Variants in UBTD1 observed in about 807,000 individuals in gnomAD.
UBTD1 encodes ubiquitin domain-containing protein 1.
A neutral mutation model predicts 21.7 loss-of-function variants in UBTD1; 19 were observed. The observed-to-expected ratio is 0.87, with a 90% confidence interval of 0.61 to 1.28. The LOEUF (loss-of-function observed/expected upper bound fraction) is 1.28. Among genes scored for constraint, UBTD1 ranks in the 50% most tolerant of loss-of-function variants. UBTD1 has a pLI of 0.00. For synonymous variants in UBTD1, 116 were observed against 135.1 expected, an observed-to-expected ratio of 0.86 and a Z score of 0.98; for missense variants, 282 against 315.1, an observed-to-expected ratio of 0.89 and a Z score of 0.80.
intron 1 of UBTD1, among the ~76,000 whole-genome samples, chr10:97,556,595 A>T (rs368505820): frequency 2.0e-5 from 3 of 152,214 alleles, no homozygotes; most frequent in African/African-American, 7.2e-5. Flanking sequence ...TCAGGGGGCC[A>T]TTTATCATCT....
At chr10:97,557,360 A>G (rs932336113) in intron 1 of UBTD1, among the ~76,000 whole-genome samples, 3 of 151,566 alleles carry the variant, frequency 2.0e-5, no homozygotes, top group African/African-American at 7.3e-5. Flanking sequence ...TTTTTTTTTA[A>G]TTCCACTTTG....
intron 1 of UBTD1, among the ~76,000 whole-genome samples, chr10:97,557,320 C>A (rs2040669013): frequency 6.6e-6 from 1 of 151,978 alleles, no homozygotes; most frequent in Admixed American, 6.6e-5. Context: ...AGGATCTAGT[C>A]CTTTTCCATC....
Position 97,518,908 on chromosome 10 carries a change from T to C in UBTD1, c.70+19635T>C, listed in dbSNP as rs566871989. Among the ~76,000 whole-genome samples, 17 of 152,356 alleles carry C rather than the reference T, an allele frequency of 1.1e-4. No individual in the cohort carries two copies. In the South Asian group the frequency reaches 3.3e-3, roughly 30 times the overall value. On this transcript the variant is annotated intron_variant, in intron 1 of 2. Transcript: ENST00000370664. ...CATGTATTATCTCATTTAATCTTTG[T>C]AGTAACTCAATGAAGTAAGTTGTAT...
At chr10:97,536,766 C>T (rs1195869083) in intron 1 of UBTD1, among the ~76,000 whole-genome samples, 1 of 152,120 alleles carries the variant, frequency 6.6e-6, no homozygotes, top group African/African-American at 2.4e-5. Flanking sequence ...ATCACAATGT[C>T]ATTCCTCCTC....
chr10:97,501,671 T>C (rs2040377113), intron 1 of UBTD1, among the ~76,000 whole-genome samples: 1 of 152,230 alleles, frequency 6.6e-6, no homozygotes, highest in Admixed American at 6.5e-5. Context: ...ACTTTAACTT[T>C]CAAGGCTGTT....
rs549508683 is a variant in UBTD1 at position 97,562,630 on chromosome 10, A to G, written c.71-5284A>G. 4.6e-5 allele frequency among the ~76,000 whole-genome samples: 7 copies of G among 152,118 alleles called. No homozygotes were observed. In the East Asian group the frequency reaches 1.4e-3, roughly 29 times the overall value. ...ATTCACAAGGGCGGGGGAATATCAC[A>G]AAGTACATTATTGCAAGGGCGGGGA... On this transcript the variant is annotated intron_variant, in intron 1 of 2. Transcript: ENST00000370664.
intron 1 of UBTD1, among the ~76,000 whole-genome samples, chr10:97,510,590 A>AT (rs2040419507): frequency 1.3e-5 from 2 of 152,052 alleles, no homozygotes; most frequent in Non-Finnish European, 1.5e-5. Context: ...ATTAGTTATT[A>AT]TTTTTACTAT....
rs1032333660 is a variant in UBTD1 at position 97,518,539 on chromosome 10, C to T, written c.70+19266C>T. Among the ~76,000 whole-genome samples, 16 of 152,354 alleles carry T rather than the reference C, an allele frequency of 1.1e-4. No homozygotes were observed. The East Asian group carries it at 1.7e-3, about 17-fold the overall frequency. The stretch of plus-strand genomic sequence containing the variant: ...GCTATTTCTGTTCATTTTCCCTCCA[C>T]GGAGCATCTGGCAGAGCTGCCTGCT... On this transcript the variant is annotated intron_variant, in intron 1 of 2. Coordinates refer to ENST00000370664, the MANE Select transcript of UBTD1 (RefSeq NM_024954.5).
intron 1 of UBTD1, among the ~76,000 whole-genome samples, chr10:97,520,908 G>A (rs921278267): frequency 6.6e-6 from 1 of 152,212 alleles, no homozygotes; most frequent in Non-Finnish European, 1.5e-5. Flanking sequence ...AGTGCTCAGA[G>A]TCTGGTTTTC....
rs142037677 is a variant in UBTD1, at chr10:97,569,398, C to T, written c.299-740C>T. 2.6e-3 allele frequency among the ~76,000 whole-genome samples: 396 copies of T among 152,260 alleles called. 3 individuals are homozygous for T. Among genetic ancestry groups the T allele is most frequent in the African/African-American group, 8.8e-3 (364 of 41,522 alleles). On this transcript the variant is annotated intron_variant, in intron 2 of 2. Transcript: ENST00000370664. ...GTGCTATTTCATTCATCCCTGTAAC[C>T]CCAGCACCTGGCACATGTGAAGAAG... is the stretch of plus-strand genomic sequence containing the variant.
intron 1 of UBTD1, among the ~76,000 whole-genome samples, chr10:97,514,949 GAGT>G (rs1307753327): frequency 1.1e-4 from 16 of 152,234 alleles, no homozygotes; most frequent in African/African-American, 3.9e-4. Flanking sequence ...TTCTTTCAGA[GAGT>G]CTGGCCTCGT....
intron 1 of UBTD1, among the ~76,000 whole-genome samples, chr10:97,519,977 C>T (rs1005879502): frequency 2.0e-5 from 3 of 152,156 alleles, no homozygotes; most frequent in African/African-American, 7.2e-5. Context: ...GTGCACTAAA[C>T]ACCACTGGTT....
chr10:97,557,327 C>G (rs1427559421), intron 1 of UBTD1, among the ~76,000 whole-genome samples: 1 of 152,068 alleles, frequency 6.6e-6, no homozygotes, highest in Non-Finnish European at 1.5e-5. Flanking sequence ...AGTCCTTTTC[C>G]ATCAATGCCT....
At chr10:97,547,558 GTTTTCTTTTC>G in intron 1 of UBTD1, among the ~76,000 whole-genome samples, 1 of 152,240 alleles carries the variant, frequency 6.6e-6, no homozygotes, top group South Asian at 2.1e-4. Context: ...TATGGCAGGA[GTTTTCTTTTC>G]TTTTCTTTTT....
chr10:97,505,513 C>T (rs940309739), intron 1 of UBTD1, among the ~76,000 whole-genome samples: 1 of 152,234 alleles, frequency 6.6e-6, no homozygotes, highest in Non-Finnish European at 1.5e-5. Context: ...GTTTCCTTCA[C>T]AGAGATGTTA....
intron 1 of UBTD1, among the ~76,000 whole-genome samples, chr10:97,537,865 A>G (rs1589876548): frequency 7.6e-6 from 1 of 131,992 alleles, no homozygotes. Context: ...TCTCTCTGTC[A>G]TCCAGGCTGG....
chr10:97,530,200 T>TTGAA (rs113236509), intron 1 of UBTD1, among the ~76,000 whole-genome samples: 96,463 of 151,254 alleles, frequency 0.64, 30,946 homozygotes, highest in East Asian at 0.86. Context: ...TACATGTTTC[T>TTGAA]TGAATGAATG....
At chr10:97,521,117 C>G (rs778494159) in intron 1 of UBTD1, among the ~76,000 whole-genome samples, 6 of 152,246 alleles carry the variant, frequency 3.9e-5, no homozygotes, top group South Asian at 2.1e-4. Flanking sequence ...GTGCCTACTT[C>G]ATGCTGAGTT....
At chr10:97,505,784 A>G (rs2040396352) in intron 1 of UBTD1, among the ~76,000 whole-genome samples, 1 of 152,232 alleles carries the variant, frequency 6.6e-6, no homozygotes, top group Non-Finnish European at 1.5e-5. Flanking sequence ...GAGACCCTGG[A>G]TGAAAAGAGA....
Sources: gnomAD v4.1 joint callset for allele counts (sites outside exome capture counted in the v4.1 genomes callset) on GRCh38, gnomAD v4.1.1 for gene constraint, MANE v1.5 for transcripts, NCBI Gene and HGNC (gene_info 2026-07-23, HGNC 2026-07-21) for gene names.